The following NFATC2 variants were observed in gnomAD, a reference collection of about 807,000 sequenced individuals.
NFATC2 encodes nuclear factor of activated T cells 2.
In NFATC2, 22 loss-of-function variants were observed where a neutral mutation model predicts 87.3. The ratio of observed to expected loss-of-function variants is 0.25; its 90% CI spans 0.18 to 0.36. The LOEUF is 0.36. Ranked by LOEUF, NFATC2 falls within the 10% of genes least tolerant of loss-of-function variation. NFATC2 has a pLI of 1.00. For synonymous variants in NFATC2, 565 were observed against 542.2 expected (o/e 1.04, Z -0.58); for missense variants, 1,149 against 1,259.1 (o/e 0.91, Z 1.32).
rs1344823129 is a variant in NFATC2, at chr20:51,388,479, G to C, written c.*3017C>G. ...TTGTTTCCTGGAATGAGTAACAAAT[G>C]TTTCAAGAATACATCATTTCTCTTA... On this transcript the variant is annotated 3_prime_UTR_variant, in exon 11 of 11. Coordinates refer to ENST00000371564, the MANE Select transcript of NFATC2 (RefSeq NM_012340.5). The C allele has an allele frequency of 6.8e-6, 1 of 147,600 alleles. No individual in the cohort carries two copies. Among genetic ancestry groups the C allele is most frequent in the Non-Finnish European group, 1.5e-5 (1 of 67,404 alleles). 9.1% of individuals were successfully genotyped at this position (147,600 alleles called of 1,614,324 possible).
At chr20:51,504,879 C>T (rs2076149634) in intron 3 of NFATC2, among the ~76,000 whole-genome samples, 1 of 151,248 alleles carries the variant, frequency 6.6e-6, no homozygotes. Flanking sequence ...TATGTGAGAA[C>T]AGCAGGAGCT....
chr20:51,439,622 G>T (rs960609683), intron 6 of NFATC2, among the ~76,000 whole-genome samples: 2 of 152,200 alleles, frequency 1.3e-5, no homozygotes, highest in Non-Finnish European at 2.9e-5. Flanking sequence ...CAGGGGGAAA[G>T]TCCTGCCCTC....
intron 3 of NFATC2, among the ~76,000 whole-genome samples, chr20:51,491,840 G>C (rs1441841787): frequency 6.7e-6 from 1 of 149,352 alleles, no homozygotes; most frequent in Non-Finnish European, 1.5e-5. Flanking sequence ...TCTGCTCGTT[G>C]AGAACAGCCC....
At chr20:51,418,951 A>ACCACCCC (rs1555873321) in intron 9 of NFATC2, among the ~76,000 whole-genome samples, 1 of 145,876 alleles carries the variant, frequency 6.9e-6, no homozygotes, top group African/African-American at 2.7e-5. Flanking sequence ...GGCGTGAGCC[A>ACCACCCC]CCCCCACCGC....
chr20:51,477,687 C>G (rs187240448), intron 3 of NFATC2, among the ~76,000 whole-genome samples: 30 of 151,292 alleles, frequency 2.0e-4, no homozygotes, highest in Admixed American at 5.9e-4. Context: ...TTCTGTGCCT[C>G]TATTCCTTTC....
At position 51,391,392 on chromosome 20, in the gene NFATC2, T is replaced by C. The variant is rs1986302111; in HGVS notation, c.*104A>G. On this transcript the variant is annotated 3_prime_UTR_variant, in exon 11 of 11. Transcript: ENST00000371564. Reference sequence around the variant, plus strand: ...CAGAAGGTGTCTTGCTATAATGGCTTCTTTTACGTCTGATTTCTGGCAGGA... The same window carrying C: ...CAGAAGGTGTCTTGCTATAATGGCTCCTTTTACGTCTGATTTCTGGCAGGA... 1 of 1,605,950 alleles carries C rather than the reference T, an allele frequency of 6.2e-7. No homozygotes were observed. Among genetic ancestry groups the C allele is most frequent in the Non-Finnish European group, 8.5e-7 (1 of 1,175,614 alleles).
chr20:51,444,739 T>C (rs1035143939), intron 6 of NFATC2, among the ~76,000 whole-genome samples: 3 of 152,180 alleles, frequency 2.0e-5, no homozygotes, highest in African/African-American at 7.2e-5. Context: ...TTGAAGTCAT[T>C]TCAGTCTGCT....
At chr20:51,465,891 T>C (rs1987633754) in intron 5 of NFATC2, among the ~76,000 whole-genome samples, 5 of 152,096 alleles carry the variant, frequency 3.3e-5, no homozygotes, top group Non-Finnish European at 5.9e-5. Context: ...CCCAGAACAG[T>C]ATATATCACA....
rs1330878785 is a variant in NFATC2 at position 51,432,694 on chromosome 20, G to C, written c.2095C>G (p.His699Asp). ...YDPTLICSPT[H>D]GGLGSQPYYP... Reference sequence around the variant, plus strand: ...TAAGGCTGGCTCCCCAGGCCTCCATGGGTGGGGCTGCAGATCAGAGTGGGG... The same window carrying C: ...TAAGGCTGGCTCCCCAGGCCTCCATCGGTGGGGCTGCAGATCAGAGTGGGG... The change falls in exon 9 of 11, where the codon CAT (histidine) becomes GAT (aspartate). Residue 699 changes from histidine to aspartate, a missense_variant. His to Asp is a moderately conservative substitution (Grantham distance 81). Around this residue, in one of 3 missense-constraint regions of NFATC2, gnomAD observed 581 missense variants for 649.7 expected, o/e 0.89. Transcript: ENST00000371564. The surrounding 1 kb of genome is among the most constrained non-coding windows in gnomAD (Gnocchi z 4.6). 6.3e-7 allele frequency: 1 copy of C among 1,582,832 alleles called. No individual in the cohort carries two copies. The highest frequency in any genetic ancestry group is 1.3e-5 in the African/African-American group (1 of 74,134).
chr20:51,465,111 G>C (rs1987541382), intron 5 of NFATC2, among the ~76,000 whole-genome samples: 1 of 152,190 alleles, frequency 6.6e-6, no homozygotes, highest in Admixed American at 6.5e-5. Context: ...ATCACAGCTG[G>C]GCGTGGTGGC....
chr20:51,435,246 G>A lies in NFATC2; in HGVS notation c.1974C>T (p.Phe658=), dbSNP rs1983390390. Residue 658 remains phenylalanine (F), a synonymous_variant, in exon 8 of 11, where the codon TTC becomes TTT. Transcript: ENST00000371564. The part of the protein sequence containing the change: ...KHIRTPVKVN[F]YVINGKRKRS... Reference sequence around the variant, plus strand: ...GTTTTCTCTTCCCATTGATGACGTAGAAGTTCACTTTTACAGGTGTGCGGA... The same window carrying A: ...GTTTTCTCTTCCCATTGATGACGTAAAAGTTCACTTTTACAGGTGTGCGGA... 6.2e-7 allele frequency: 1 copy of A among 1,614,064 alleles called. No individual in the cohort carries two copies. The highest frequency in any genetic ancestry group is 1.3e-5 in the African/African-American group (1 of 74,934).
At chr20:51,552,395 C>T (rs1475838851) in intron 1 of NFATC2, among the ~76,000 whole-genome samples, 1 of 152,134 alleles carries the variant, frequency 6.6e-6, no homozygotes, top group Non-Finnish European at 1.5e-5. Flanking sequence ...CATTGGCTTC[C>T]TCATGCTCTT....
At chr20:51,482,844 TG>T (rs1375268901) in intron 3 of NFATC2, among the ~76,000 whole-genome samples, 1 of 152,256 alleles carries the variant, frequency 6.6e-6, no homozygotes, top group Non-Finnish European at 1.5e-5. Context: ...GTTTATGTAC[TG>T]TCTCCATTGA....
At chr20:51,499,225 A>G (rs2076040313) in intron 3 of NFATC2, among the ~76,000 whole-genome samples, 2 of 152,168 alleles carry the variant, frequency 1.3e-5, no homozygotes, top group Non-Finnish European at 2.9e-5. Flanking sequence ...AGATGAATGA[A>G]GGGTGCAAGT....
chr20:51,405,622 T>C (rs183854923), intron 9 of NFATC2, among the ~76,000 whole-genome samples: 2 of 152,274 alleles, frequency 1.3e-5, no homozygotes, highest in Non-Finnish European at 1.5e-5. Context: ...CGTGACATTT[T>C]AACACCAACC....
intron 6 of NFATC2, among the ~76,000 whole-genome samples, chr20:51,440,016 C>T (rs1984099710): frequency 6.6e-6 from 1 of 152,176 alleles, no homozygotes; most frequent in Non-Finnish European, 1.5e-5. Context: ...GCGGGCGGAT[C>T]ACCTGAGGTC....
intron 3 of NFATC2, among the ~76,000 whole-genome samples, chr20:51,487,705 G>T (rs1002720196): frequency 2.0e-5 from 3 of 151,986 alleles, no homozygotes; most frequent in African/African-American, 4.8e-5. Context: ...GCATAAAAAA[G>T]GTGAGTTATT....
At chr20:51,545,847 A>G (rs1202947689), upstream of NFATC2, among the ~76,000 whole-genome samples, 1 of 152,142 alleles carries the variant, frequency 6.6e-6, no homozygotes, top group Non-Finnish European at 1.5e-5. Context: ...TGGAGGATAG[A>G]TGGATGAATG....
At position 51,479,148 on chromosome 20, in the gene NFATC2, G is replaced by A. The variant is rs77303407; in HGVS notation, c.1333-3488C>T. The stretch of plus-strand genomic sequence containing the variant: ...CCCCCTGGAAAACTGGATGTTAAAC[G>A]TTTACTAGCACATCACTGGAATATT... On this transcript the variant is annotated intron_variant, in intron 3 of 10. Transcript: ENST00000371564. 1.0e-2 allele frequency among the ~76,000 whole-genome samples: 1,515 copies of A among 152,114 alleles called. 33 individuals carry two copies. Among genetic ancestry groups the A allele is most frequent in the African/African-American group, 0.034 (1,411 of 41,472 alleles).
Sources: allele counts gnomAD v4.1 joint callset (sites outside exome capture counted in the v4.1 genomes callset), GRCh38; gene constraint gnomAD v4.1.1; regional missense constraint gnomAD v4.1.1; non-coding constraint Gnocchi (gnomAD v3.1); transcripts MANE v1.5; gene names NCBI Gene and HGNC (gene_info 2026-07-23, HGNC 2026-07-21).